NADSYN1: variants seen among roughly 807,000 people sequenced by gnomAD.
NADSYN1 encodes the protein glutamine-dependent NAD(+) synthetase.
A neutral mutation model predicts 99.3 loss-of-function variants in NADSYN1; 80 were observed. That is an observed-to-expected ratio of 0.81 (90% CI 0.67 to 0.97). The LOEUF (loss-of-function observed/expected upper bound fraction) is 0.97. NADSYN1 is among the 50% of genes least tolerant of loss of function. NADSYN1 has a pLI of 0.00. For synonymous variants in NADSYN1, 385 were observed against 372.1 expected, an observed-to-expected ratio of 1.03 and a Z score of -0.40; for missense variants, 859 against 948.5, an observed-to-expected ratio of 0.91 and a Z score of 1.24.
At chr11:71,484,723 G>A in intron 15 of NADSYN1, 2 of 431,174 alleles carry the variant, frequency 4.6e-6, no homozygotes, top group Non-Finnish European at 8.6e-6. Flanking sequence ...GGATGTGCGT[G>A]CTCGAGTGTG....
intron 16 of NADSYN1, among the ~76,000 whole-genome samples, 163 bp downstream of exon 16, chr11:71,485,811 G>C (rs1286706659): frequency 1.3e-5 from 2 of 152,114 alleles, no homozygotes; most frequent in East Asian, 3.9e-4. Flanking sequence ...TGGCAGAGCG[G>C]ATCAGCATCA....
rs1949828099 is a variant in NADSYN1 at position 71,497,530 on chromosome 11, C to G, written c.1812C>G (p.Leu604=). 3 of 1,613,986 alleles carry G rather than the reference C, an allele frequency of 1.9e-6. No homozygotes were observed. Among genetic ancestry groups the G allele is most frequent in the Non-Finnish European group, 2.5e-6 (3 of 1,180,044 alleles). ...CGGAGCTCTCGGTCTATGGGAAACT[C>G]AGGAAGGTGGCCAAGATGGGGCCCT... ...TYAELSVYGK[L]RKVAKMGPYS... is the part of the protein sequence containing the mutation. The change falls in exon 19 of 21, where the codon CTC becomes CTG. Residue 604 remains leucine (L), a synonymous_variant. Coordinates refer to ENST00000319023, the MANE Select transcript of NADSYN1 (RefSeq NM_018161.5).
chr11:71,484,464 C>A lies in NADSYN1; in HGVS notation c.1455+17C>A. ...AATGTGCAGGTGCCCCCGCCTGGGCCGGCGTCCCCTGGGGGTGGGGGTGCA... is the reference window on the plus strand; with the variant it reads ...AATGTGCAGGTGCCCCCGCCTGGGCAGGCGTCCCCTGGGGGTGGGGGTGCA... On this transcript the variant is annotated intron_variant, in intron 15 of 20. Coordinates refer to ENST00000319023, the MANE Select transcript of NADSYN1 (RefSeq NM_018161.5). The A allele has an allele frequency of 6.2e-7, 1 of 1,608,980 alleles. No homozygotes were observed. Among genetic ancestry groups the A allele is most frequent in the South Asian group, 1.1e-5 (1 of 90,552 alleles).
Position 71,472,518 on chromosome 11 carries a change from G to C in NADSYN1, c.459+18G>C. The stretch of plus-strand genomic sequence containing the variant: ...CAAAGCAGGTGAGTCCCTGGGTGTG[G>C]AGCCCGTTTTTCAGTCGGTTGTCGC... On this transcript the variant is annotated intron_variant, in intron 6 of 20. Transcript: ENST00000319023. 1 of 1,610,590 alleles carries C rather than the reference G, an allele frequency of 6.2e-7. No homozygotes were observed. Among genetic ancestry groups the C allele is most frequent in the South Asian group, 1.1e-5 (1 of 91,008 alleles).
At chr11:71,484,586 G>C in intron 15 of NADSYN1, 139 bp downstream of exon 15, 1 of 1,289,038 alleles carries the variant, frequency 7.8e-7, no homozygotes. Context: ...GGGACAGCCA[G>C]TGCTGGGGTC....
At chr11:71,470,065 C>T (rs775758528) in intron 5 of NADSYN1, among the ~76,000 whole-genome samples, 7 of 152,086 alleles carry the variant, frequency 4.6e-5, no homozygotes, top group South Asian at 2.1e-4. Flanking sequence ...CTCACAATCA[C>T]GGCAGAAGGC....
chr11:71,468,375 C>G (rs1949607153), intron 5 of NADSYN1, among the ~76,000 whole-genome samples: 1 of 152,156 alleles, frequency 6.6e-6, no homozygotes, highest in African/African-American at 2.4e-5. Flanking sequence ...TAAATCACTG[C>G]ATAGCTGTGC....
chr11:71,491,254 A>C (rs1418435799), intron 17 of NADSYN1, among the ~76,000 whole-genome samples: 1 of 152,226 alleles, frequency 6.6e-6, no homozygotes, highest in Admixed American at 6.5e-5. Flanking sequence ...GATGCTTGGC[A>C]GGCCGAGGCT....
chr11:71,476,207 C>A (rs536812777), intron 9 of NADSYN1: 2 of 422,716 alleles, frequency 4.7e-6, no homozygotes, highest in Admixed American at 5.3e-5. Flanking sequence ...ACAGCATTGC[C>A]TGACTCGTCT....
chr11:71,477,954 C>T lies in NADSYN1; in HGVS notation c.799-441C>T, dbSNP rs1291805421. Among the ~76,000 whole-genome samples, 6 of 152,334 alleles carry T rather than the reference C, an allele frequency of 3.9e-5. No individual in the cohort carries two copies. In the South Asian group the frequency reaches 6.2e-4, roughly 16 times the overall value. ...GCAGCAAAGTGGCCTTGGCTCCTTGCGTGTCTTTTTGATGAGAGGGGTGTT... is the reference window on the plus strand; with the variant it reads ...GCAGCAAAGTGGCCTTGGCTCCTTGTGTGTCTTTTTGATGAGAGGGGTGTT... On this transcript the variant is annotated intron_variant, in intron 9 of 20. Transcript: ENST00000319023.
At chr11:71,481,698 T>A in intron 12 of NADSYN1, 2 of 602,274 alleles carry the variant, frequency 3.3e-6, no homozygotes, top group South Asian at 4.0e-5. Context: ...AGTTCGTCGG[T>A]GGAGTCAGCC....
chr11:71,474,527 G>A lies in NADSYN1; in HGVS notation c.798+1G>A. ...ATCCCAGTTTTCTCTGGATGACGTG[G>A]TAATGAGCGGGCCTGGACATGCCTG... On this transcript the variant is annotated splice_donor_variant, in intron 9 of 20. Transcript: ENST00000319023. LOFTEE classifies it high-confidence loss of function. 1 of 1,614,140 alleles carries A rather than the reference G, an allele frequency of 6.2e-7. No homozygotes were observed. Among genetic ancestry groups the A allele is most frequent in the Non-Finnish European group, 8.5e-7 (1 of 1,179,970 alleles).
intron 18 of NADSYN1, 130 bp from the exon 19 acceptor site, chr11:71,497,353 C>T: frequency 2.6e-6 from 3 of 1,162,370 alleles, no homozygotes; most frequent in Non-Finnish European, 3.6e-6. Context: ...GAGTAAAGCC[C>T]ACCTCTGCTC....
At chr11:71,477,220 C>A (rs1003097047) in intron 9 of NADSYN1, 1 of 1,190,076 alleles carries the variant, frequency 8.4e-7, no homozygotes, top group African/African-American at 1.6e-5. Flanking sequence ...GGCCGCCGTG[C>A]GGCAGGCTGT....
chr11:71,501,657 G>T lies in NADSYN1; in HGVS notation c.*305G>T. 1 of 413,048 alleles carries T rather than the reference G, an allele frequency of 2.4e-6. No homozygotes were observed. The highest frequency in any genetic ancestry group is 4.4e-6 in the Non-Finnish European group (1 of 228,712). 25.6% of individuals were successfully genotyped at this position (413,048 alleles called of 1,614,324 possible). A position where few individuals can be genotyped will look rare whatever the true frequency, so the allele number is the denominator to read the frequency against. On this transcript the variant is annotated 3_prime_UTR_variant, in exon 21 of 21. Transcript: ENST00000319023. ...GAGGGTTCCAACCGCCGCCCCGTGT[G>T]GCATCTTTGCTGCAGGAACAAGAAC... is the stretch of plus-strand genomic sequence containing the variant.
At chr11:71,462,369 C>A (rs1949556216) in intron 3 of NADSYN1, among the ~76,000 whole-genome samples, 1 of 152,208 alleles carries the variant, frequency 6.6e-6, no homozygotes, top group African/African-American at 2.4e-5. Context: ...GATAATAACT[C>A]TTTCAACCAA....
Position 71,474,546 on chromosome 11 carries a change from A to G in NADSYN1, c.798+20A>G. 2 of 1,613,842 alleles carry G rather than the reference A, an allele frequency of 1.2e-6. No individual in the cohort carries two copies. Among genetic ancestry groups the G allele is most frequent in the Non-Finnish European group, 1.7e-6 (2 of 1,179,816 alleles). On this transcript the variant is annotated intron_variant, in intron 9 of 20. Coordinates refer to ENST00000319023, the MANE Select transcript of NADSYN1 (RefSeq NM_018161.5). ...GACGTGGTAATGAGCGGGCCTGGAC[A>G]TGCCTGGGGGAGGGTTCTCTGTGCA... is the stretch of plus-strand genomic sequence containing the variant.
At chr11:71,473,017 C>T (rs574891639) in intron 6 of NADSYN1, among the ~76,000 whole-genome samples, 2 of 152,334 alleles carry the variant, frequency 1.3e-5, no homozygotes, top group African/African-American at 2.4e-5. Flanking sequence ...GCAGCCCCAT[C>T]GATGTCCGTG....
chr11:71,458,779 T>G (rs1185869004), intron 3 of NADSYN1: 1 of 497,552 alleles, frequency 2.0e-6, no homozygotes, highest in African/African-American at 1.9e-5. Context: ...CAGAAAGTCC[T>G]GTGCACACAT....
Sources: gnomAD v4.1 joint callset for allele counts (sites outside exome capture counted in the v4.1 genomes callset) on GRCh38, gnomAD v4.1.1 for gene constraint, MANE v1.5 for transcripts, NCBI Gene and HGNC (gene_info 2026-07-23, HGNC 2026-07-21) for gene names.